Variants in ADAMTS10 observed in about 807,000 individuals in gnomAD.
ADAMTS10 encodes the protein ADAM metallopeptidase with thrombospondin type 1 motif 10, also known as A disintegrin and metalloproteinase with thrombospondin motifs 10.
Under a neutral mutation model 135.9 loss-of-function variants are expected in ADAMTS10, and 48 were observed. The ratio of observed to expected loss-of-function variants is 0.35; its 90% confidence interval spans 0.28 to 0.45. The LOEUF (loss-of-function observed/expected upper bound fraction) is 0.45, where lower values mean the gene tolerates loss of function less well. Ranked by LOEUF, ADAMTS10 falls within the 20% of genes least tolerant of loss-of-function variation. ADAMTS10 has a pLI of 1.00. For synonymous variants in ADAMTS10, 621 were observed against 647.5 expected, an observed-to-expected ratio of 0.96 and a Z score of 0.62; for missense variants, 1,131 against 1,565.2, an observed-to-expected ratio of 0.72 and a Z score of 4.68.
chr19:8,587,163 C>CT lies in ADAMTS10; in HGVS notation c.2159-268dup, dbSNP rs1194992099. On this transcript the variant is annotated intron_variant, in intron 18 of 25. Coordinates refer to ENST00000597188, the MANE Select transcript of ADAMTS10 (RefSeq NM_030957.4). ...AGGATTTTTCTTTCTTTCTTTCTTT[C>CT]TTTTTTTTTTTTGGAGACAGGATGT... Among the ~76,000 whole-genome samples the CT allele has an allele frequency of 6.6e-3, 950 of 143,468 alleles. 9 individuals carry two copies. Among genetic ancestry groups the CT allele is most frequent in the African/African-American group, 0.019 (755 of 39,246 alleles). 94.1% of individuals were successfully genotyped at this position (143,468 alleles called of 152,430 possible). A position where few individuals can be genotyped will look rare whatever the true frequency, so the allele number is the denominator to read the frequency against.
Position 8,605,648 on chromosome 19 carries a change from C to T in ADAMTS10, c.63G>A (p.Glu21=). ...ALALGLGLMF[E]VTHAFRSQDE... ...CTTGAGACCGGAAGGCGTGCGTGAC[C>T]TCGAACATGAGGCCCAGCCCCAGGG... is the stretch of plus-strand genomic sequence containing the variant. Residue 21 remains glutamate, a synonymous_variant, in exon 3 of 26, where the codon GAG becomes GAA. Coordinates refer to ENST00000597188, the MANE Select transcript of ADAMTS10 (RefSeq NM_030957.4). This position sits in a 1 kb window ranked among gnomAD's most constrained non-coding sequence, Gnocchi z 7.7. The T allele has an allele frequency of 6.2e-7, 1 of 1,613,684 alleles. No homozygotes were observed. Among genetic ancestry groups the T allele is most frequent in the Non-Finnish European group, 8.5e-7 (1 of 1,179,940 alleles).
intron 18 of ADAMTS10, among the ~76,000 whole-genome samples, chr19:8,587,397 A>C (rs771586416): frequency 6.7e-5 from 8 of 119,782 alleles, no homozygotes; most frequent in Non-Finnish European, 1.1e-4. Context: ...GGCTGGTCTC[A>C]AACTCCTGGG....
At chr19:8,607,158 T>G (rs1555742735) in intron 2 of ADAMTS10, among the ~76,000 whole-genome samples, 1 of 152,106 alleles carries the variant, frequency 6.6e-6, no homozygotes, top group Non-Finnish European at 1.5e-5. Context: ...CTCCCACCCA[T>G]GCATCTACTG....
chr19:8,601,186 T>G lies in ADAMTS10; in HGVS notation c.593-41A>C, dbSNP rs1555741553. Reference sequence around the variant, plus strand: ...GAGCAATTAAGCCCTGCCCTGCTGGTGGGACGCAGAGCTGCCTGACAACTG... The same window carrying G: ...GAGCAATTAAGCCCTGCCCTGCTGGGGGGACGCAGAGCTGCCTGACAACTG... On this transcript the variant is annotated intron_variant, in intron 5 of 25. Coordinates refer to ENST00000597188, the MANE Select transcript of ADAMTS10 (RefSeq NM_030957.4). This position sits in a 1 kb window ranked among gnomAD's most constrained non-coding sequence, Gnocchi z 4.6. 1 of 1,600,432 alleles carries G rather than the reference T, an allele frequency of 6.2e-7. No individual in the cohort carries two copies. Among genetic ancestry groups the G allele is most frequent in the Admixed American group, 1.7e-5 (1 of 59,470 alleles).
intron 5 of ADAMTS10, among the ~76,000 whole-genome samples, chr19:8,603,509 G>C (rs1453075192): frequency 6.6e-6 from 1 of 152,094 alleles, no homozygotes; most frequent in Non-Finnish European, 1.5e-5. Context: ...CCTGACCTCA[G>C]GTGATCCGCC....
rs1407065003 is a variant in ADAMTS10, at chr19:8,593,971, TG to T, written c.1480-1102del. ...TACATATGTAAGAAGCTGGAAGAGT[TG>T]TTCTCAAATACATTCTCCCTCAAAG... is the stretch of plus-strand genomic sequence containing the variant. On this transcript the variant is annotated intron_variant, in intron 12 of 25. Coordinates refer to ENST00000597188, the MANE Select transcript of ADAMTS10 (RefSeq NM_030957.4). 5.3e-5 allele frequency among the ~76,000 whole-genome samples: 8 copies of T among 152,228 alleles called. No homozygotes were observed. In the South Asian group the frequency reaches 1.7e-3, roughly 31 times the overall value.
Position 8,586,332 on chromosome 19 carries a change from C to T in ADAMTS10, c.2530+12G>A, listed in dbSNP as rs782744351. 1.4e-5 allele frequency: 22 copies of T among 1,613,486 alleles called. No homozygotes were observed. In the East Asian group the frequency reaches 4.2e-4, roughly 31 times the overall value. ...CCAGGTATCTTGTGCCTTCCCCCAC[C>T]CCCGGCCTCACCGCCTGCACACTGG... On this transcript the variant is annotated intron_variant, in intron 21 of 25. Coordinates refer to ENST00000597188, the MANE Select transcript of ADAMTS10 (RefSeq NM_030957.4).
At chr19:8,595,524 A>T (rs2042592001) in intron 12 of ADAMTS10, 3 of 574,358 alleles carry the variant, frequency 5.2e-6, no homozygotes, top group Non-Finnish European at 9.3e-6. Context: ...CCCTCAAATC[A>T]GGGGTCTGGA....
rs1555737087 is a variant in ADAMTS10, at chr19:8,586,160, T to C, written c.2622A>G (p.Lys874=). ...HYCSAHSKLP[K]RQRACNTEPC... is the part of the protein sequence containing the mutation. Reference sequence around the variant, plus strand: ...GCTCCGTGTTGCAGGCGCGCTGCCTTTTGGGCAGCTTGCTGTGGGCACTGC... The same window carrying C: ...GCTCCGTGTTGCAGGCGCGCTGCCTCTTGGGCAGCTTGCTGTGGGCACTGC... The change falls in exon 22 of 26, where the codon AAA becomes AAG. Residue 874 remains lysine, a synonymous_variant. Transcript: ENST00000597188. The C allele has an allele frequency of 6.2e-7, 1 of 1,612,914 alleles. No individual in the cohort carries two copies. The highest frequency in any genetic ancestry group is 8.5e-7 in the Non-Finnish European group (1 of 1,180,000).
intron 12 of ADAMTS10, 59 bp downstream of exon 12, chr19:8,595,698 TCCCTC>T: frequency 2.3e-6 from 3 of 1,291,948 alleles, no homozygotes; most frequent in Non-Finnish European, 1.1e-6. Context: ...CTGGTGGAGT[TCCCTC>T]CCCCAGCCCC....
chr19:8,605,032 T>C lies in ADAMTS10; in HGVS notation c.415A>G (p.Ile139Val), dbSNP rs1555742210. 1 of 1,608,802 alleles carries C rather than the reference T, an allele frequency of 6.2e-7. No individual in the cohort carries two copies. Among genetic ancestry groups the C allele is most frequent in the East Asian group, 2.2e-5 (1 of 44,558 alleles). The change falls in exon 4 of 26, where the codon ATC (isoleucine) becomes GTC (valine). Residue 139 changes from isoleucine (I) to valine (V), a missense_variant. Physicochemically the swap from Ile to Val is conservative, Grantham distance 29 (BLOSUM62 3). This residue lies in a region of ADAMTS10 where 306 missense variants were observed against 344.4 expected (regional missense o/e 0.89). Coordinates refer to ENST00000597188, the MANE Select transcript of ADAMTS10 (RefSeq NM_030957.4). This position sits in a 1 kb window ranked among gnomAD's most constrained non-coding sequence, Gnocchi z 7.7. Reference protein sequence around the residue: ...QGQASSSHVAISTCGGLHGLI... With the variant: ...QGQASSSHVAVSTCGGLHGLI... Reference sequence around the variant, plus strand: ...CTCACCAGGCCTCCACAGGTGCTGATGGCCACATGGGAGCTGCTGGCCTGG... The same window carrying C: ...CTCACCAGGCCTCCACAGGTGCTGACGGCCACATGGGAGCTGCTGGCCTGG...
chr19:8,581,561 A>T (rs1230973738), intron 25 of ADAMTS10, among the ~76,000 whole-genome samples: 1 of 152,108 alleles, frequency 6.6e-6, no homozygotes, highest in Non-Finnish European at 1.5e-5. Context: ...TAGGCTGGGC[A>T]TGGTGGCTCA....
chr19:8,603,949 ACCT>A, intron 4 of ADAMTS10, 65 bp from the exon 5 acceptor site: 1 of 1,486,260 alleles, frequency 6.7e-7, no homozygotes, highest in Non-Finnish European at 9.1e-7. Context: ...GACCCCTGGG[ACCT>A]TCTCTCTGTC....
chr19:8,595,486 C>T, intron 12 of ADAMTS10: 1 of 482,190 alleles, frequency 2.1e-6, no homozygotes, highest in Non-Finnish European at 3.8e-6. Flanking sequence ...GTGTGATGTG[C>T]CAGACAGAAG....
rs2042403502 is a variant in ADAMTS10, at chr19:8,584,953, G to A, written c.3144C>T (p.Pro1048=). The change falls in exon 25 of 26, where the codon CCC becomes CCT. Residue 1048 remains proline, a synonymous_variant. Transcript: ENST00000597188. Reference sequence around the variant, plus strand: ...ACTTGGCCTCACACTGCTGCGTGGTGGGCGGCCGCAGGGCCTCCGTGCACT... The same window carrying A: ...ACTTGGCCTCACACTGCTGCGTGGTAGGCGGCCGCAGGGCCTCCGTGCACT... ...SHECTEALRP[P]TTQQCEAKCD... is the part of the protein sequence containing the mutation. The A allele has an allele frequency of 6.5e-7, 1 of 1,548,160 alleles. No homozygotes were observed. The highest frequency in any genetic ancestry group is 8.7e-7 in the Non-Finnish European group (1 of 1,146,390).
At chr19:8,591,570 T>C (rs1163772684) in intron 15 of ADAMTS10, among the ~76,000 whole-genome samples, 2 of 151,248 alleles carry the variant, frequency 1.3e-5, no homozygotes, top group Non-Finnish European at 2.9e-5. Context: ...GCCTCCCGAG[T>C]AGCTGGGATT....
chr19:8,592,614 C>G (rs1390590669), intron 13 of ADAMTS10, 149 bp downstream of exon 13: 2 of 803,566 alleles, frequency 2.5e-6, no homozygotes, highest in Non-Finnish European at 4.0e-6. Flanking sequence ...AAGCAGTAGG[C>G]GTGGCCACAG....
At position 8,600,126 on chromosome 19, in the gene ADAMTS10, A is replaced by G. The variant is rs142160767; in HGVS notation, c.810+802T>C. On this transcript the variant is annotated intron_variant, in intron 6 of 25. Coordinates refer to ENST00000597188, the MANE Select transcript of ADAMTS10 (RefSeq NM_030957.4). ...CTGTGCCCAGCCTGTGTGTATTTTT[A>G]CACACAGCAAACACTTATATGCCAC... is the stretch of plus-strand genomic sequence containing the variant. 5.9e-4 allele frequency among the ~76,000 whole-genome samples: 90 copies of G among 152,284 alleles called. 1 individual carries two copies. The highest frequency in any genetic ancestry group is 2.1e-3 in the African/African-American group (87 of 41,564).
rs1555739505 is a variant in ADAMTS10 at position 8,592,904 on chromosome 19, C to G, written c.1480-34G>C. On this transcript the variant is annotated intron_variant, in intron 12 of 25. Coordinates refer to ENST00000597188, the MANE Select transcript of ADAMTS10 (RefSeq NM_030957.4). ...CGAGGTGCCCGCTCAGGCTCGCCCC[C>G]CTCCCTTCCTCCCTGGGGCAGCCCG... The G allele has an allele frequency of 4.4e-6, 7 of 1,581,474 alleles. No individual in the cohort carries two copies. The Admixed American group carries it at 5.3e-5, about 12-fold the overall frequency.
Sources: gnomAD v4.1 joint callset for allele counts (sites outside exome capture counted in the v4.1 genomes callset) on GRCh38, gnomAD v4.1.1 for gene constraint, gnomAD v4.1.1 regional missense constraint, Gnocchi (gnomAD v3.1) non-coding constraint, MANE v1.5 for transcripts, NCBI Gene and HGNC (gene_info 2026-07-23, HGNC 2026-07-21) for gene names.